AFF3: variants seen among roughly 807,000 people sequenced by gnomAD.
AFF3 encodes the protein ALF transcription elongation factor 3, also known as AF4/FMR2 family member 3.
Under a neutral mutation model 129.7 loss-of-function variants are expected in AFF3, and 32 were observed. The observed-to-expected ratio is 0.25, with a 90% CI of 0.19 to 0.33. The LOEUF (loss-of-function observed/expected upper bound fraction) is 0.33, where lower values mean the gene tolerates loss of function less well. AFF3 is among the 10% of genes least tolerant of loss of function. The pLI is 1.00. For synonymous variants in AFF3, 644 were observed against 635.4 expected, an observed-to-expected ratio of 1.01 and a Z score of -0.20; for missense variants, 1,373 against 1,592.0, an observed-to-expected ratio of 0.86 and a Z score of 2.34.
At chr2:100,092,485 A>G (rs960129068) in intron 4 of AFF3, among the ~76,000 whole-genome samples, 2 of 152,078 alleles carry the variant, frequency 1.3e-5, no homozygotes, top group Non-Finnish European at 2.9e-5. Flanking sequence ...AAACGTGACC[A>G]TTTTGCTCCC....
chr2:99,604,992 T>C (rs1680188305), intron 13 of AFF3, among the ~76,000 whole-genome samples: 2 of 152,244 alleles, frequency 1.3e-5, no homozygotes, highest in Non-Finnish European at 2.9e-5. Flanking sequence ...GGATTCCTTG[T>C]GGCTTGCACC....
chr2:99,773,186 T>C (rs1182689048), intron 8 of AFF3, among the ~76,000 whole-genome samples: 2 of 152,206 alleles, frequency 1.3e-5, no homozygotes, highest in Non-Finnish European at 2.9e-5. Flanking sequence ...ACAGTGTTAA[T>C]AGTTTATAGC....
chr2:99,561,578 A>G (rs1360460236), intron 20 of AFF3, among the ~76,000 whole-genome samples: 1 of 152,036 alleles, frequency 6.6e-6, no homozygotes, highest in Non-Finnish European at 1.5e-5. Context: ...GGGTCTTACT[A>G]TGTTGTCTGG....
chr2:99,607,567 A>C (rs1031283014), intron 13 of AFF3, among the ~76,000 whole-genome samples: 2 of 152,162 alleles, frequency 1.3e-5, no homozygotes, highest in African/African-American at 4.8e-5. Context: ...AAAATGACAA[A>C]ATCTTGGATC....
At chr2:99,823,218 T>TAACTTTA (rs1053305621) in intron 8 of AFF3, among the ~76,000 whole-genome samples, 2 of 152,174 alleles carry the variant, frequency 1.3e-5, no homozygotes, top group African/African-American at 4.8e-5. Context: ...ATTTTTAAAC[T>TAACTTTA]AACTTTAAAG....
At chr2:100,024,164 G>A (rs1286841514) in intron 4 of AFF3, among the ~76,000 whole-genome samples, 9 of 148,644 alleles carry the variant, frequency 6.1e-5, no homozygotes, top group South Asian at 4.3e-4. Context: ...CCCGGGAGGC[G>A]GAGCTTGCAG....
intron 7 of AFF3, among the ~76,000 whole-genome samples, chr2:99,903,650 T>C (rs917974497): frequency 6.6e-6 from 1 of 152,180 alleles, no homozygotes; most frequent in Admixed American, 6.5e-5. Flanking sequence ...TTTTAAAAAC[T>C]AGATGGTGAA....
chr2:99,827,888 T>C lies in AFF3; in HGVS notation c.921+9589A>G, dbSNP rs571831662. ...AGAGCCTGGAACAGTGACTGTCTGA[T>C]GCCACTGGCCCAGGGGTGCTCATTG... On this transcript the variant is annotated intron_variant, in intron 8 of 24. Transcript: ENST00000672756. 1.2e-3 allele frequency among the ~76,000 whole-genome samples: 175 copies of C among 152,072 alleles called. 1 individual carries two copies. Among genetic ancestry groups the C allele is most frequent in the South Asian group, 3.8e-3 (18 of 4,798 alleles).
At chr2:99,831,103 G>A (rs556406164) in intron 8 of AFF3, among the ~76,000 whole-genome samples, 4 of 152,290 alleles carry the variant, frequency 2.6e-5, no homozygotes, top group South Asian at 4.1e-4. Context: ...GAGAAAACCC[G>A]CACAGACTTG....
chr2:100,130,114 G>A (rs1333985329), intron 1 of AFF3, among the ~76,000 whole-genome samples: 2 of 152,188 alleles, frequency 1.3e-5, no homozygotes, highest in Non-Finnish European at 2.9e-5. Flanking sequence ...GTAGCTCCCT[G>A]TCAGTTGACA....
At chr2:99,843,788 T>A (rs2105827530) in intron 7 of AFF3, among the ~76,000 whole-genome samples, 1 of 152,270 alleles carries the variant, frequency 6.6e-6, no homozygotes. Context: ...CAGTAAACAA[T>A]TTAAAAATAT....
At chr2:99,573,860 A>G (rs1000529235) in intron 18 of AFF3, among the ~76,000 whole-genome samples, 3 of 152,216 alleles carry the variant, frequency 2.0e-5, no homozygotes, top group Non-Finnish European at 4.4e-5. Context: ...GGCAGCAGCC[A>G]GCACTTCCTC....
intron 8 of AFF3, among the ~76,000 whole-genome samples, chr2:99,812,930 A>G (rs530781674): frequency 6.6e-6 from 1 of 152,186 alleles, no homozygotes; most frequent in South Asian, 2.1e-4. Context: ...CAATTCTCTT[A>G]ATTATTTAGT....
intron 10 of AFF3, among the ~76,000 whole-genome samples, chr2:99,734,146 C>G (rs1222680522): frequency 1.3e-5 from 2 of 152,166 alleles, no homozygotes; most frequent in East Asian, 1.9e-4. Context: ...TAACACATCT[C>G]TTGACAGGGT....
intron 18 of AFF3, among the ~76,000 whole-genome samples, chr2:99,571,341 T>C (rs1469235877): frequency 6.6e-6 from 1 of 152,198 alleles, no homozygotes; most frequent in Non-Finnish European, 1.5e-5. Context: ...CTACTTCAAA[T>C]GCATTTCATT....
intron 12 of AFF3, among the ~76,000 whole-genome samples, chr2:99,656,814 G>A (rs1003818149): frequency 6.6e-6 from 1 of 152,100 alleles, no homozygotes; most frequent in African/African-American, 2.4e-5. Context: ...GCAATAATGA[G>A]TCTTTTGCAT....
At chr2:99,591,100 C>T (rs2104936937) in intron 15 of AFF3, among the ~76,000 whole-genome samples, 1 of 152,088 alleles carries the variant, frequency 6.6e-6, no homozygotes, top group East Asian at 1.9e-4. Context: ...CTTGCAAGGG[C>T]TTCAAATTCT....
chr2:99,875,020 T>C (rs1277609612), intron 7 of AFF3, among the ~76,000 whole-genome samples: 2 of 152,162 alleles, frequency 1.3e-5, no homozygotes, highest in Non-Finnish European at 2.9e-5. Flanking sequence ...TTTCTGTAAG[T>C]TTGAAATCAT....
At chr2:99,837,623 T>A (rs1864273) in intron 7 of AFF3, 99 bp from the exon 8 acceptor site, 167,000 of 1,105,792 alleles carry the variant, frequency 0.15, 13,563 homozygotes, top group Admixed American at 0.31. Context: ...ACAAAAAAAT[T>A]CAGCGAGTTA....
Sources: allele counts gnomAD v4.1 joint callset (sites outside exome capture counted in the v4.1 genomes callset), GRCh38; gene constraint gnomAD v4.1.1; transcripts MANE v1.5; gene names NCBI Gene and HGNC (gene_info 2026-07-23, HGNC 2026-07-21).